Variants in CTNNA3 observed in about 807,000 individuals in gnomAD.
CTNNA3 encodes the protein catenin alpha 3, also known as catenin alpha-3.
In CTNNA3, 76 loss-of-function variants were observed where a neutral mutation model predicts 95.7. The ratio of observed to expected loss-of-function variants is 0.79; its 90% CI spans 0.66 to 0.96. The LOEUF (loss-of-function observed/expected upper bound fraction) is 0.96, where lower values mean the gene tolerates loss of function less well. Ranked by LOEUF, CTNNA3 falls within the 40% of genes least tolerant of loss-of-function variation. The pLI is 0.00. For missense variants in CTNNA3, 1,191 were observed against 1,089.8 expected, an observed-to-expected ratio of 1.09 and a Z score of -1.31; for synonymous variants, 431 against 374.4, an observed-to-expected ratio of 1.15 and a Z score of -1.74.
chr10:67,118,982 T>C (rs564692046), intron 7 of CTNNA3, among the ~76,000 whole-genome samples: 6 of 152,028 alleles, frequency 3.9e-5, no homozygotes, highest in African/African-American at 1.4e-4. Context: ...TCATATGAAA[T>C]ATAACTTAGA....
intron 7 of CTNNA3, among the ~76,000 whole-genome samples, chr10:67,034,419 C>G (rs1853916539): frequency 6.6e-6 from 1 of 152,188 alleles, no homozygotes; most frequent in Admixed American, 6.5e-5. Flanking sequence ...TTCCTTCTTG[C>G]AATACTTCTA....
intron 5 of CTNNA3, among the ~76,000 whole-genome samples, chr10:67,407,947 A>G (rs1845202575): frequency 6.6e-6 from 1 of 151,820 alleles, no homozygotes; most frequent in Admixed American, 6.6e-5. Context: ...TCATTCAACA[A>G]CAGGCAAGTA....
At chr10:66,452,800 C>T (rs1028752863) in intron 11 of CTNNA3, among the ~76,000 whole-genome samples, 1 of 152,098 alleles carries the variant, frequency 6.6e-6, no homozygotes, top group African/African-American at 2.4e-5. Context: ...CCTGATCTCA[C>T]GGCCCCCAGG....
intron 7 of CTNNA3, among the ~76,000 whole-genome samples, chr10:66,873,819 C>T (rs1844507844): frequency 6.6e-6 from 1 of 152,026 alleles, no homozygotes; most frequent in African/African-American, 2.4e-5. Context: ...TAGAAGAAAA[C>T]CTAGGAAATA....
At chr10:66,604,844 C>A (rs1466375535) in intron 10 of CTNNA3, among the ~76,000 whole-genome samples, 13 of 150,484 alleles carry the variant, frequency 8.6e-5, no homozygotes, top group African/African-American at 3.2e-4. Flanking sequence ...AAACATTAGT[C>A]CACAAAGATG....
chr10:67,387,374 G>C (rs983561006), intron 5 of CTNNA3, among the ~76,000 whole-genome samples: 1 of 152,128 alleles, frequency 6.6e-6, no homozygotes, highest in African/African-American at 2.4e-5. Context: ...GGCGCACCAC[G>C]AGAGTATATC....
chr10:66,680,715 G>A (rs1051650626), intron 9 of CTNNA3, among the ~76,000 whole-genome samples: 1 of 152,114 alleles, frequency 6.6e-6, no homozygotes, highest in Non-Finnish European at 1.5e-5. Flanking sequence ...GAGTCTTAAA[G>A]GATACTTAGG....
intron 13 of CTNNA3, among the ~76,000 whole-genome samples, chr10:66,197,433 C>CAGCT (rs1400664448): frequency 6.6e-6 from 1 of 152,004 alleles, no homozygotes; most frequent in Non-Finnish European, 1.5e-5. Flanking sequence ...AAGAAATGAT[C>CAGCT]AGCTACTTTG....
intron 1 of CTNNA3, among the ~76,000 whole-genome samples, chr10:67,685,884 CTT>C (rs1263074038): frequency 6.6e-6 from 1 of 152,112 alleles, no homozygotes; most frequent in African/African-American, 2.4e-5. Context: ...CTGTCTCTCT[CTT>C]TGACTCCTTC....
At chr10:66,150,983 T>A (rs1479143099) in intron 13 of CTNNA3, among the ~76,000 whole-genome samples, 1 of 152,078 alleles carries the variant, frequency 6.6e-6, no homozygotes, top group Non-Finnish European at 1.5e-5. Flanking sequence ...TAGGTCCTTG[T>A]CTAATTTATA....
intron 12 of CTNNA3, among the ~76,000 whole-genome samples, chr10:66,356,122 G>GTTTTTTTTTTTTTTTTTTTTTTGT: frequency 8.5e-6 from 1 of 117,236 alleles, no homozygotes; most frequent in Admixed American, 9.1e-5. Flanking sequence ...TGCTTGTTTT[G>GTTTTTTTTTTTTTTTTTTTTTTGT]TTTTTTTTTT....
intron 1 of CTNNA3, among the ~76,000 whole-genome samples, chr10:67,749,974 A>T (rs898814650): frequency 6.6e-6 from 1 of 152,136 alleles, no homozygotes; most frequent in Non-Finnish European, 1.5e-5. Flanking sequence ...CACTCTTCAC[A>T]ATAAATTTGC....
intron 12 of CTNNA3, among the ~76,000 whole-genome samples, chr10:66,320,671 C>T (rs951641222): frequency 3.9e-5 from 6 of 152,068 alleles, no homozygotes; most frequent in African/African-American, 1.4e-4. Context: ...TAATAAAAAA[C>T]ACATTTTCCT....
At position 65,920,526 on chromosome 10, in the gene CTNNA3, T is replaced by C. The variant is rs1443242896; in HGVS notation, c.2492A>G (p.Lys831Arg). ...TVKMSYIASTKIIRIQSPAGP... is the reference protein window; with the variant it reads ...TVKMSYIASTRIIRIQSPAGP... ...AGCAGGACTCTGGATTCGGATGATC[T>C]TGGTTGAGGCAATGTAAGACATTTT... The change falls in exon 18 of 18, where the codon AAG (lysine) becomes AGG (arginine). Residue 831 changes from lysine (K) to arginine (R), a missense_variant. Lys to Arg is a conservative substitution (Grantham distance 26). Transcript: ENST00000433211. 1 of 1,614,182 alleles carries C rather than the reference T, an allele frequency of 6.2e-7. No homozygotes were observed. Among genetic ancestry groups the C allele is most frequent in the Admixed American group, 1.7e-5 (1 of 60,026 alleles).
At chr10:66,455,593 C>T (rs1452740877) in intron 11 of CTNNA3, among the ~76,000 whole-genome samples, 3 of 152,088 alleles carry the variant, frequency 2.0e-5, no homozygotes, top group Non-Finnish European at 4.4e-5. Context: ...AGTTACTGGC[C>T]GTTTTCTAGA....
chr10:66,035,001 A>G (rs2079532417), intron 15 of CTNNA3, among the ~76,000 whole-genome samples: 1 of 152,198 alleles, frequency 6.6e-6, no homozygotes, highest in African/African-American at 2.4e-5. Flanking sequence ...AGTTAAATTT[A>G]TACTCCACAT....
intron 5 of CTNNA3, among the ~76,000 whole-genome samples, chr10:67,501,595 T>C (rs1839234986): frequency 6.6e-6 from 1 of 152,240 alleles, no homozygotes; most frequent in Non-Finnish European, 1.5e-5. Flanking sequence ...CACTTTCAGA[T>C]ATATCAGTCA....
At chr10:67,125,859 A>G (rs912933413) in intron 7 of CTNNA3, among the ~76,000 whole-genome samples, 3 of 152,156 alleles carry the variant, frequency 2.0e-5, no homozygotes, top group African/African-American at 4.8e-5. Flanking sequence ...ACAACCCTTG[A>G]AAAAAAGTCA....
intron 11 of CTNNA3, among the ~76,000 whole-genome samples, chr10:66,395,071 C>T (rs376672514): frequency 7.9e-5 from 12 of 151,786 alleles, no homozygotes; most frequent in East Asian, 3.9e-4. Context: ...TTACTACCTT[C>T]GAAAATACAG....
Sources: allele counts gnomAD v4.1 joint callset (sites outside exome capture counted in the v4.1 genomes callset), GRCh38; gene constraint gnomAD v4.1.1; transcripts MANE v1.5; gene names NCBI Gene and HGNC (gene_info 2026-07-23, HGNC 2026-07-21).